The following KLHL22 variants were observed in gnomAD, a reference collection of about 807,000 sequenced individuals.
KLHL22 encodes kelch-like protein 22.
A neutral mutation model predicts 60.7 loss-of-function variants in KLHL22; 18 were observed. The observed-to-expected ratio is 0.30, with a 90% confidence interval of 0.20 to 0.44. KLHL22 has a LOEUF of 0.44. KLHL22 is among the 20% of genes least tolerant of loss of function. The pLI is 1.00. For synonymous variants in KLHL22, 355 were observed against 354.5 expected (o/e 1.00, Z -0.01); for missense variants, 596 against 852.3 (o/e 0.70, Z 3.74).
chr22:20,466,666 T>C (rs2053241972), intron 3 of KLHL22, among the ~76,000 whole-genome samples: 1 of 152,208 alleles, frequency 6.6e-6, no homozygotes, highest in Admixed American at 6.5e-5. Flanking sequence ...TTTTCTTTTT[T>C]CTTTTTAAAA....
At chr22:20,466,328 C>T (rs1188328561) in intron 3 of KLHL22, among the ~76,000 whole-genome samples, 2 of 139,012 alleles carry the variant, frequency 1.4e-5, no homozygotes, top group African/African-American at 5.4e-5. Context: ...GAGCCGAGAT[C>T]GCGCCATTGC....
In KLHL22 at chr22:20,495,524, G is replaced by A. The variant is rs985790099; in HGVS notation, c.-34+236C>T. On this transcript the variant is annotated intron_variant, in intron 1 of 6. Coordinates refer to ENST00000328879, the MANE Select transcript of KLHL22 (RefSeq NM_032775.4). The surrounding 1 kb of genome is among the most constrained non-coding windows in gnomAD (Gnocchi z 4.6). ...GCCTCGCACCCTGGCCCCTGGCCGA[G>A]CGCCAGATCCCGGCCCCTACGCGCC... 5.3e-5 allele frequency among the ~76,000 whole-genome samples: 8 copies of A among 151,552 alleles called. No individual in the cohort carries two copies. Among genetic ancestry groups the A allele is most frequent in the African/African-American group, 1.9e-4 (8 of 41,358 alleles).
intron 2 of KLHL22, among the ~76,000 whole-genome samples, chr22:20,484,733 T>C (rs78999905): frequency 1.3e-5 from 1 of 74,224 alleles, no homozygotes; most frequent in Admixed American, 1.1e-4. Flanking sequence ...TGCTCAGCCT[T>C]TTTTTTTTTT....
intron 2 of KLHL22, 100 bp from the exon 3 acceptor site, chr22:20,471,615 G>C: frequency 7.6e-7 from 1 of 1,308,014 alleles, no homozygotes; most frequent in Non-Finnish European, 1.1e-6. Context: ...GGCGCTGGTG[G>C]CAGGGCCCTG....
At chr22:20,462,521 ATTT>A (rs558617516) in intron 4 of KLHL22, among the ~76,000 whole-genome samples, 4 of 134,696 alleles carry the variant, frequency 3.0e-5, no homozygotes, top group Non-Finnish European at 3.2e-5. Context: ...GGCCCAGCTA[ATTT>A]TTTTTTTTTT....
At chr22:20,443,307 AAGC>A in intron 6 of KLHL22, among the ~76,000 whole-genome samples, 1 of 152,142 alleles carries the variant, frequency 6.6e-6, no homozygotes, top group East Asian at 1.9e-4. Context: ...ATGCTACCTT[AAGC>A]AGCCAAAGGG....
At chr22:20,483,016 G>A (rs561768169) in intron 2 of KLHL22, 24 of 685,110 alleles carry the variant, frequency 3.5e-5, no homozygotes, top group East Asian at 1.0e-4. Context: ...TCACCAGGGC[G>A]TCCTACTCCT....
intron 2 of KLHL22, chr22:20,483,760 A>G (rs1315170404): frequency 1.4e-5 from 10 of 738,484 alleles, no homozygotes; most frequent in Non-Finnish European, 2.5e-5. Context: ...TTCTTCTCCA[A>G]GTGCTTCTGG....
chr22:20,492,447 A>G (rs2053706071), intron 1 of KLHL22, among the ~76,000 whole-genome samples: 2 of 151,876 alleles, frequency 1.3e-5, no homozygotes, highest in South Asian at 4.1e-4. Context: ...CAAAAGGGAT[A>G]CCTGTCATCC....
chr22:20,465,805 T>C lies in KLHL22; in HGVS notation c.394-229A>G, dbSNP rs944194723. ...TGGGTGACAGGATATACAGCATGTT[T>C]TTTTTTGGTTTTGTTTTGCTTTTCT... On this transcript the variant is annotated intron_variant, in intron 3 of 6. Transcript: ENST00000328879. This position sits in a 1 kb window ranked among gnomAD's most constrained non-coding sequence, Gnocchi z 4.9. Among the ~76,000 whole-genome samples, 1 of 152,168 alleles carries C rather than the reference T, an allele frequency of 6.6e-6. No individual in the cohort carries two copies. The highest frequency in any genetic ancestry group is 2.4e-5 in the African/African-American group (1 of 41,428).
intron 2 of KLHL22, among the ~76,000 whole-genome samples, chr22:20,480,573 T>C (rs1247439776): frequency 1.3e-5 from 2 of 152,100 alleles, no homozygotes; most frequent in Non-Finnish European, 2.9e-5. Flanking sequence ...CTTGTTCAGG[T>C]CCTCGATCCC....
At chr22:20,458,713 C>T (rs775240984) in intron 4 of KLHL22, among the ~76,000 whole-genome samples, 2 of 151,952 alleles carry the variant, frequency 1.3e-5, no homozygotes, top group Non-Finnish European at 2.9e-5. Flanking sequence ...TTCTCAGGCA[C>T]GCCCTGCACA....
intron 1 of KLHL22, chr22:20,493,349 G>A (rs1044460567): frequency 2.4e-6 from 1 of 422,488 alleles, no homozygotes; most frequent in Non-Finnish European, 4.8e-6. Flanking sequence ...ATTCTCTGCT[G>A]GGAAGGAGCA....
rs1051237356 is a variant in KLHL22, at chr22:20,471,494, C to T, written c.249G>A (p.Leu83=). The T allele has an allele frequency of 3.7e-6, 6 of 1,613,864 alleles. No homozygotes were observed. The highest frequency in any genetic ancestry group is 4.2e-6 in the Non-Finnish European group (5 of 1,179,918). Residue 83 remains leucine (L), a synonymous_variant, in exon 3 of 7, where the codon TTG becomes TTA. Coordinates refer to ENST00000328879, the MANE Select transcript of KLHL22 (RefSeq NM_032775.4). ...DYFRGMFAGG[L]KEMEQEEVLI... Reference sequence around the variant, plus strand: ...GGACCTCTTCCTGTTCCATCTCCTTCAATCCCCCAGCAAACATTCCTCTGC... The same window carrying T: ...GGACCTCTTCCTGTTCCATCTCCTTTAATCCCCCAGCAAACATTCCTCTGC...
intron 5 of KLHL22, chr22:20,451,406 G>C: frequency 6.2e-7 from 1 of 1,610,058 alleles, no homozygotes; most frequent in Non-Finnish European, 8.5e-7. Context: ...GTGATCCACT[G>C]TCTAGGAGGA....
At chr22:20,485,538 G>A (rs1424218936) in intron 2 of KLHL22, among the ~76,000 whole-genome samples, 1 of 152,144 alleles carries the variant, frequency 6.6e-6, no homozygotes, top group Non-Finnish European at 1.5e-5. Flanking sequence ...GGCATCTCAG[G>A]TGGGCCAAAG....
chr22:20,488,870 G>A, intron 2 of KLHL22, 115 bp downstream of exon 2: 1 of 931,178 alleles, frequency 1.1e-6, no homozygotes, highest in East Asian at 2.6e-5. Flanking sequence ...GCCACAAGGA[G>A]TAGGGGAGGC....
chr22:20,479,974 A>G (rs1014935163), intron 2 of KLHL22, among the ~76,000 whole-genome samples: 3 of 152,234 alleles, frequency 2.0e-5, no homozygotes, highest in Non-Finnish European at 2.9e-5. Context: ...AGGTGAATAG[A>G]CAAACAAAAT....
chr22:20,494,913 C>G (rs552862800), intron 1 of KLHL22, among the ~76,000 whole-genome samples: 1 of 152,198 alleles, frequency 6.6e-6, no homozygotes, highest in African/African-American at 2.4e-5. Context: ...GGCCCCCGAA[C>G]GAGCAGTATC....
Sources: allele counts gnomAD v4.1 joint callset (sites outside exome capture counted in the v4.1 genomes callset), GRCh38; gene constraint gnomAD v4.1.1; non-coding constraint Gnocchi (gnomAD v3.1); transcripts MANE v1.5; gene names NCBI Gene and HGNC (gene_info 2026-07-23, HGNC 2026-07-21).